The following PDGFD variants were observed in gnomAD, a reference collection of about 807,000 sequenced individuals.
The protein encoded by PDGFD is platelet derived growth factor D.
PDGFD carries 30 observed loss-of-function variants against 44.7 expected under a neutral mutation model. The observed-to-expected ratio is 0.67, with a 90% CI of 0.50 to 0.91. The LOEUF is 0.91. PDGFD is among the 40% of genes least tolerant of loss of function. PDGFD has a pLI of 0.00. For missense variants in PDGFD, 445 were observed against 457.8 expected, an observed-to-expected ratio of 0.97 and a Z score of 0.25; for synonymous variants, 173 against 168.4, an observed-to-expected ratio of 1.03 and a Z score of -0.21.
chr11:104,033,891 ATAT>A (rs1167365262), intron 1 of PDGFD, among the ~76,000 whole-genome samples: 2 of 152,226 alleles, frequency 1.3e-5, no homozygotes, highest in Non-Finnish European at 2.9e-5. Context: ...CCATAACATA[ATAT>A]TATTGAGTCA....
intron 3 of PDGFD, among the ~76,000 whole-genome samples, chr11:103,962,018 G>A (rs1050837417): frequency 1.3e-5 from 2 of 152,100 alleles, no homozygotes; most frequent in Non-Finnish European, 2.9e-5. Flanking sequence ...GGAATTCAGT[G>A]AACTTAAGTA....
At chr11:104,074,732 C>G (rs1024226933) in intron 1 of PDGFD, among the ~76,000 whole-genome samples, 1 of 151,460 alleles carries the variant, frequency 6.6e-6, no homozygotes, top group South Asian at 2.1e-4. Flanking sequence ...AGATTATCCA[C>G]AGTGTGATAC....
In PDGFD at chr11:103,952,366, T is replaced by C. The variant is rs528589805; in HGVS notation, c.511-4642A>G. ...AATGTCTTATTATTCTAAGAGGAGA[T>C]AACTCTCTACTAGCTCCTAGAGGCT... is the stretch of plus-strand genomic sequence containing the variant. On this transcript the variant is annotated intron_variant, in intron 3 of 6. Transcript: ENST00000393158. 2.0e-5 allele frequency among the ~76,000 whole-genome samples: 3 copies of C among 152,360 alleles called. No homozygotes were observed. The South Asian group carries it at 6.2e-4, about 32-fold the overall frequency.
rs1403607270 is a variant in PDGFD, at chr11:104,112,003, CAAAT to C, written c.124+51797_124+51800del. On this transcript the variant is annotated intron_variant, in intron 1 of 6. Coordinates refer to ENST00000393158, the MANE Select transcript of PDGFD (RefSeq NM_025208.5). ...TATCCTGCTTATTATACTTCAGTCT[CAAAT>C]AAGAACGTAAAACCAATGTGTTTTC... Among the ~76,000 whole-genome samples the C allele has an allele frequency of 5.9e-5, 9 of 152,158 alleles. 1 individual carries two copies. Among genetic ancestry groups the C allele is most frequent in the Non-Finnish European group, 1.5e-5 (1 of 68,028 alleles).
intron 3 of PDGFD, among the ~76,000 whole-genome samples, chr11:103,963,705 T>C (rs1858974618): frequency 6.6e-6 from 1 of 152,164 alleles, no homozygotes. Flanking sequence ...TAAAGTACTG[T>C]TTTATTTAAT....
chr11:104,108,259 G>C (rs545203749), intron 1 of PDGFD, among the ~76,000 whole-genome samples: 2 of 152,066 alleles, frequency 1.3e-5, no homozygotes, highest in East Asian at 3.9e-4. Flanking sequence ...CCATCAGAGT[G>C]AATACGCAAC....
intron 1 of PDGFD, among the ~76,000 whole-genome samples, chr11:104,146,367 A>G (rs1422125766): frequency 6.6e-6 from 1 of 152,210 alleles, no homozygotes; most frequent in Non-Finnish European, 1.5e-5. Flanking sequence ...TGCCATGGAC[A>G]TCAGTCAGGA....
At chr11:104,092,816 T>C (rs1053758081) in intron 1 of PDGFD, among the ~76,000 whole-genome samples, 6 of 152,016 alleles carry the variant, frequency 3.9e-5, no homozygotes, top group African/African-American at 4.8e-5. Context: ...CAGAAGAAAA[T>C]AGAATATGAT....
intron 1 of PDGFD, among the ~76,000 whole-genome samples, chr11:104,027,103 G>T (rs2134386476): frequency 6.6e-6 from 1 of 152,304 alleles, no homozygotes. Flanking sequence ...TTTGCAGACT[G>T]CTATGGTTAA....
intron 1 of PDGFD, among the ~76,000 whole-genome samples, chr11:104,155,264 A>T (rs540562871): frequency 6.6e-6 from 1 of 152,346 alleles, no homozygotes; most frequent in South Asian, 2.1e-4. Context: ...CCTATCAGAC[A>T]TATAATCTGA....
chr11:103,969,483 T>G (rs562105487), intron 3 of PDGFD, among the ~76,000 whole-genome samples: 3 of 148,074 alleles, frequency 2.0e-5, no homozygotes, highest in Non-Finnish European at 1.5e-5. Flanking sequence ...GGTTTTTTTT[T>G]TTTTTTTTTT....
intron 1 of PDGFD, among the ~76,000 whole-genome samples, chr11:104,101,581 A>C (rs1861382184): frequency 1.3e-5 from 2 of 152,154 alleles, no homozygotes. Context: ...AACTACTTTA[A>C]AGTTCATATG....
At position 104,119,676 on chromosome 11, in the gene PDGFD, T is replaced by C. The variant is rs1861736231; in HGVS notation, c.124+44128A>G. On this transcript the variant is annotated intron_variant, in intron 1 of 6. Coordinates refer to ENST00000393158, the MANE Select transcript of PDGFD (RefSeq NM_025208.5). Reference sequence around the variant, plus strand: ...ATATATATAATTATATATCGATATATATATCGATATATAATATATAATATC... The same window carrying C: ...ATATATATAATTATATATCGATATACATATCGATATATAATATATAATATC... Among the ~76,000 whole-genome samples, 2 of 86,326 alleles carry C rather than the reference T, an allele frequency of 2.3e-5. 1 individual carries two copies. Among genetic ancestry groups the C allele is most frequent in the Non-Finnish European group, 4.0e-5 (2 of 49,910 alleles). The allele number at this position is 86,326 out of a possible 152,430, so 56.6% of individuals were successfully genotyped here.
At chr11:104,036,880 C>A in intron 1 of PDGFD, 1 of 1,614,152 alleles carries the variant, frequency 6.2e-7, no homozygotes, top group Non-Finnish European at 8.5e-7. Context: ...CTTCTCTCTC[C>A]AGGTCAGCCC....
At chr11:103,923,889 A>T (rs1591078094) in intron 6 of PDGFD, among the ~76,000 whole-genome samples, 1 of 152,234 alleles carries the variant, frequency 6.6e-6, no homozygotes, top group Admixed American at 6.5e-5. Context: ...ATTAGGACAC[A>T]TGTCTTAAAG....
chr11:103,994,975 G>A (rs1381835541), intron 3 of PDGFD, among the ~76,000 whole-genome samples: 3 of 151,458 alleles, frequency 2.0e-5, no homozygotes, highest in Admixed American at 2.0e-4. Context: ...AAACTCCTGG[G>A]CTCAACAATT....
At chr11:103,993,433 G>T (rs1476963358) in intron 3 of PDGFD, among the ~76,000 whole-genome samples, 1 of 151,296 alleles carries the variant, frequency 6.6e-6, no homozygotes. Flanking sequence ...TAAAGTAGGG[G>T]TTGCAAAACA....
At chr11:104,018,253 T>C (rs1859891421) in intron 1 of PDGFD, among the ~76,000 whole-genome samples, 1 of 152,192 alleles carries the variant, frequency 6.6e-6, no homozygotes, top group Non-Finnish European at 1.5e-5. Flanking sequence ...GGATTTCAAT[T>C]AATATTTATT....
intron 1 of PDGFD, among the ~76,000 whole-genome samples, chr11:104,044,600 AATGTAC>A (rs1262367576): frequency 6.6e-6 from 1 of 152,084 alleles, no homozygotes; most frequent in African/African-American, 2.4e-5. Flanking sequence ...TGCATGTATA[AATGTAC>A]ATGTAAGCTA....
Sources: gnomAD v4.1 joint callset for allele counts (sites outside exome capture counted in the v4.1 genomes callset) on GRCh38, gnomAD v4.1.1 for gene constraint, MANE v1.5 for transcripts, NCBI Gene and HGNC (gene_info 2026-07-23, HGNC 2026-07-21) for gene names.